GRID2IP: variants seen among roughly 807,000 people sequenced by gnomAD.
GRID2IP encodes Grid2 interacting protein.
Under a neutral mutation model 114.3 loss-of-function variants are expected in GRID2IP, and 78 were observed. That is an observed-to-expected ratio of 0.68 (90% CI 0.57 to 0.82). GRID2IP has a LOEUF of 0.82. Among genes scored for constraint, GRID2IP ranks in the 40% least tolerant of loss-of-function variants. The probability of loss-of-function intolerance (pLI) is 0.00; values close to 1 mark genes in which losing one functional copy is unlikely to be tolerated. For missense variants in GRID2IP, 1,727 were observed against 1,678.5 expected (o/e 1.03, Z -0.51); for synonymous variants, 809 against 724.0 (o/e 1.12, Z -1.89).
intron 2 of GRID2IP, chr7:6,531,190 C>T (rs943186905): frequency 4.3e-5 from 20 of 461,124 alleles, no homozygotes; most frequent in Non-Finnish European, 6.5e-5. Context: ...CGACTCCACG[C>T]ACCTCTGCCC....
In GRID2IP at chr7:6,507,309, G is replaced by A. The variant is rs575176742; in HGVS notation, c.2544+676C>T. Among the ~76,000 whole-genome samples, 53 of 152,190 alleles carry A rather than the reference G, an allele frequency of 3.5e-4. No individual in the cohort carries two copies. In the South Asian group the frequency reaches 0.01, roughly 29 times the overall value. The stretch of plus-strand genomic sequence containing the variant: ...CAAGCCCCATTGGGGGTTCCATCTG[G>A]GAATGTCTCTTTGACAGGGACATGG... On this transcript the variant is annotated intron_variant, in intron 13 of 21. Coordinates refer to ENST00000457091, the MANE Select transcript of GRID2IP (RefSeq NM_001145118.2). The surrounding 1 kb of genome is among the most constrained non-coding windows in gnomAD (Gnocchi z 5.3).
chr7:6,504,750 G>A (rs758881876), intron 15 of GRID2IP, 43 bp downstream of exon 15: 56 of 1,477,772 alleles, frequency 3.8e-5, no homozygotes, highest in East Asian at 1.7e-4. Context: ...AGAAAGGGCC[G>A]CCGCCTGCCC....
Position 6,508,276 on chromosome 7 carries a change from T to TGGGGGGGGGG in GRID2IP, c.2252_2253insCCCCCCCCCC (p.Leu754ProfsTer16). ...GCGGTGGTGGGGGGCTGAGCGGGGG[T>TGGGGGGGGGG]GGGGGGATGTGGTCAGAGATGGAGG... On this transcript the variant is annotated frameshift_variant, in exon 13 of 22. Coordinates refer to ENST00000457091, the MANE Select transcript of GRID2IP (RefSeq NM_001145118.2). LOFTEE classifies it high-confidence loss of function. The surrounding 1 kb of genome is among the most constrained non-coding windows in gnomAD (Gnocchi z 5.6). 3.0e-6 allele frequency: 2 copies of TGGGGGGGGGG among 666,014 alleles called. No individual in the cohort carries two copies. The highest frequency in any genetic ancestry group is 2.9e-5 in the African/African-American group (1 of 34,072). The allele number at this position is 666,014 out of a possible 1,614,324, so 41.3% of individuals were successfully genotyped here.
At chr7:6,547,952 T>A (rs1779911844) in intron 1 of GRID2IP, among the ~76,000 whole-genome samples, 1 of 152,138 alleles carries the variant, frequency 6.6e-6, no homozygotes, top group African/African-American at 2.4e-5. Flanking sequence ...CATGGCCAAG[T>A]GCTGCTGGGG....
rs368271146 is a variant in GRID2IP, at chr7:6,540,638, A to C, written c.430-766T>G. 1.5e-4 allele frequency among the ~76,000 whole-genome samples: 22 copies of C among 148,818 alleles called. 1 individual carries two copies. The East Asian group carries it at 2.6e-3, about 17-fold the overall frequency. On this transcript the variant is annotated intron_variant, in intron 1 of 21. Coordinates refer to ENST00000457091, the MANE Select transcript of GRID2IP (RefSeq NM_001145118.2). ...CAAGTTCAAGAGATTCTCCTGCCTCAGCCTCCCAAGTAGCTGGGATTACAG... is the reference window on the plus strand; with the variant it reads ...CAAGTTCAAGAGATTCTCCTGCCTCCGCCTCCCAAGTAGCTGGGATTACAG...
Position 6,551,124 on chromosome 7 carries a change from G to T in GRID2IP, c.313C>A (p.Pro105Thr). Residue 105 changes from proline to threonine, a missense_variant, in exon 1 of 22, where the codon CCG becomes ACG. Transcript: ENST00000457091. ...PAAPTTVLRAPRCGRGLALGR... is the reference protein window; with the variant it reads ...PAAPTTVLRATRCGRGLALGR... ...AGAGCTAGGCCGCGGCCGCACCGCG[G>T]GGCCCGCAAGACTGTGGTCGGGGCC... is the stretch of plus-strand genomic sequence containing the variant. The T allele has an allele frequency of 7.7e-7, 1 of 1,299,600 alleles. No homozygotes were observed. The highest frequency in any genetic ancestry group is 9.7e-7 in the Non-Finnish European group (1 of 1,028,036). The allele number at this position is 1,299,600 out of a possible 1,614,324, so 80.5% of individuals were successfully genotyped here. A position where few individuals can be genotyped will look rare whatever the true frequency, so the allele number is the denominator to read the frequency against.
chr7:6,539,779 C>G lies in GRID2IP; in HGVS notation c.523G>C (p.Val175Leu). Residue 175 changes from valine to leucine, a missense_variant, in exon 2 of 22, where the codon GTG becomes CTG. Physicochemically the swap from Val to Leu is conservative, Grantham distance 32. Transcript: ENST00000457091. ...FAAEQRVDDL[V>L]WTLTLALPRE... ...GGCAGCGCCAGGGTGAGAGTCCACA[C>G]CAGATCATCCACCCGCTGCTCAGCT... is the stretch of plus-strand genomic sequence containing the variant. The G allele has an allele frequency of 6.4e-7, 1 of 1,550,584 alleles. No homozygotes were observed. The highest frequency in any genetic ancestry group is 8.7e-7 in the Non-Finnish European group (1 of 1,146,964).
rs376167421 is a variant in GRID2IP, at chr7:6,520,290, C to CAA, written c.1268+286_1268+287dup. Among the ~76,000 whole-genome samples, 86 of 143,862 alleles carry CAA rather than the reference C, an allele frequency of 6.0e-4. No homozygotes were observed. Among genetic ancestry groups the CAA allele is most frequent in the African/African-American group, 1.8e-3 (72 of 39,788 alleles). The allele number at this position is 143,862 out of a possible 152,430, so 94.4% of individuals were successfully genotyped here. On this transcript the variant is annotated intron_variant, in intron 7 of 21. Transcript: ENST00000457091. The surrounding 1 kb of genome is among the most constrained non-coding windows in gnomAD (Gnocchi z 4.6). Reference sequence around the variant, plus strand: ...TGGGTGATAGAGCGAGACTCCATCTCAAAAAAAAAAAATAGAATGTTGCAG... The same window carrying CAA: ...TGGGTGATAGAGCGAGACTCCATCTCAAAAAAAAAAAAAATAGAATGTTGCAG...
chr7:6,522,834 T>TGTGTG (rs56059022), intron 4 of GRID2IP, among the ~76,000 whole-genome samples: 2 of 147,120 alleles, frequency 1.4e-5, no homozygotes, highest in African/African-American at 2.5e-5. Flanking sequence ...TGTGTGTGTG[T>TGTGTG]TAGCGTGTGT....
chr7:6,542,709 G>A (rs1006038548), intron 1 of GRID2IP, among the ~76,000 whole-genome samples: 2 of 152,160 alleles, frequency 1.3e-5, no homozygotes, highest in African/African-American at 4.8e-5. Context: ...GATGGCTAAG[G>A]AGTGCAGAAT....
chr7:6,523,490 C>A lies in GRID2IP; in HGVS notation c.920-1533G>T, dbSNP rs1342282886. Among the ~76,000 whole-genome samples, 1 of 152,194 alleles carries A rather than the reference C, an allele frequency of 6.6e-6. No homozygotes were observed. The highest frequency in any genetic ancestry group is 1.5e-5 in the Non-Finnish European group (1 of 68,038). The stretch of plus-strand genomic sequence containing the variant: ...CCATCTGTAAAAGCTTCCATCTAAG[C>A]ATCCATTTGGCTTCCTATGACAGGA... On this transcript the variant is annotated intron_variant, in intron 4 of 21. Transcript: ENST00000457091. The surrounding 1 kb of genome is among the most constrained non-coding windows in gnomAD (Gnocchi z 4.5).
Position 6,535,841 on chromosome 7 carries a change from C to G in GRID2IP, c.584+3877G>C, listed in dbSNP as rs182200556. On this transcript the variant is annotated intron_variant, in intron 2 of 21. Coordinates refer to ENST00000457091, the MANE Select transcript of GRID2IP (RefSeq NM_001145118.2). ...ATGCCATAGGCCAGGGCGGCACTGC[C>G]CTCACCCTGTATGGCTAGCACCTGG... 2.6e-3 allele frequency among the ~76,000 whole-genome samples: 390 copies of G among 152,240 alleles called. 3 individuals are homozygous for G. The highest frequency in any genetic ancestry group is 9.1e-3 in the African/African-American group (376 of 41,532).
chr7:6,513,164 A>G (rs10232978), intron 8 of GRID2IP, among the ~76,000 whole-genome samples: 1,912 of 152,048 alleles, frequency 0.013, 46 homozygotes, highest in African/African-American at 0.043. Context: ...GCCAGGTGGG[A>G]TGTGGTCGTG....
chr7:6,511,173 C>A (rs573813893), intron 8 of GRID2IP, 134 bp from the exon 9 acceptor site: 510 of 1,185,118 alleles, frequency 4.3e-4, no homozygotes, highest in Non-Finnish European at 5.3e-4. Flanking sequence ...GCCCTGCTTG[C>A]CTCCAGAACA....
rs1192803810 is a variant in GRID2IP, at chr7:6,506,734, T to C, written c.2545-827A>G. Among the ~76,000 whole-genome samples, 1 of 146,930 alleles carries C rather than the reference T, an allele frequency of 6.8e-6. No individual in the cohort carries two copies. The highest frequency in any genetic ancestry group is 2.0e-4 in the East Asian group (1 of 4,998). On this transcript the variant is annotated intron_variant, in intron 13 of 21. Coordinates refer to ENST00000457091, the MANE Select transcript of GRID2IP (RefSeq NM_001145118.2). This position sits in a 1 kb window ranked among gnomAD's most constrained non-coding sequence, Gnocchi z 5.2. ...TCTCACTCTGTACCCCAGGCTGGAGTGCAGTGGTGCCATCTTGGCTCACTG... is the reference window on the plus strand; with the variant it reads ...TCTCACTCTGTACCCCAGGCTGGAGCGCAGTGGTGCCATCTTGGCTCACTG...
In GRID2IP at chr7:6,510,294, G is replaced by T; in HGVS notation, c.1760C>A (p.Ala587Glu). ...GGCTGGAGCCCTACCTGTGGTGACTGCTGGGCTGGGGCCTGGAGGGGAAGC... is the reference window on the plus strand; with the variant it reads ...GGCTGGAGCCCTACCTGTGGTGACTTCTGGGCTGGGGCCTGGAGGGGAAGC... ...SRASPPGPSPAVTTGPRTLSG... is the reference protein window; with the variant it reads ...SRASPPGPSPEVTTGPRTLSG... Residue 587 changes from alanine to glutamate, a missense_variant, in exon 11 of 22, where the codon GCA becomes GAA. By Grantham distance (107) the Ala-to-Glu change is moderately radical (BLOSUM62 -1). Transcript: ENST00000457091. 6.5e-7 allele frequency: 1 copy of T among 1,542,848 alleles called. No homozygotes were observed. The highest frequency in any genetic ancestry group is 8.7e-7 in the Non-Finnish European group (1 of 1,143,034).
Position 6,520,809 on chromosome 7 carries a change from G to C in GRID2IP, c.1085-48C>G. On this transcript the variant is annotated intron_variant, in intron 6 of 21. Coordinates refer to ENST00000457091, the MANE Select transcript of GRID2IP (RefSeq NM_001145118.2). The surrounding 1 kb of genome is among the most constrained non-coding windows in gnomAD (Gnocchi z 4.6). ...AGGCATGAGTGACTCAGAGTCCCCAGGCCAGGTGTAGTCTCCCTGGCTTTT... is the reference window on the plus strand; with the variant it reads ...AGGCATGAGTGACTCAGAGTCCCCACGCCAGGTGTAGTCTCCCTGGCTTTT... The C allele has an allele frequency of 6.6e-7, 1 of 1,512,836 alleles. No individual in the cohort carries two copies. Among genetic ancestry groups the C allele is most frequent in the Non-Finnish European group, 8.9e-7 (1 of 1,119,484 alleles). 93.7% of individuals were successfully genotyped at this position (1,512,836 alleles called of 1,614,324 possible). A position where few individuals can be genotyped will look rare whatever the true frequency, so the allele number is the denominator to read the frequency against.
rs772955190 is a variant in GRID2IP, at chr7:6,510,754, C to A, written c.1556-48G>T. The stretch of plus-strand genomic sequence containing the variant: ...CCGTATCTGAGCTCTACGGCTCAGG[C>A]CCCGGCCCAGAACCAACATGCCCCG... On this transcript the variant is annotated intron_variant, in intron 9 of 21. Transcript: ENST00000457091. 7 of 1,513,962 alleles carry A rather than the reference C, an allele frequency of 4.6e-6. No homozygotes were observed. In the Middle Eastern group the frequency reaches 5.1e-4, roughly 110 times the overall value. The allele number at this position is 1,513,962 out of a possible 1,614,324, so 93.8% of individuals were successfully genotyped here.
At chr7:6,531,231 C>A in intron 2 of GRID2IP, 1 of 430,366 alleles carries the variant, frequency 2.3e-6, no homozygotes, top group South Asian at 5.5e-5. Context: ...CCCGAGCCGT[C>A]CCGGCCCGCA....
Sources: allele counts gnomAD v4.1 joint callset (sites outside exome capture counted in the v4.1 genomes callset), GRCh38; gene constraint gnomAD v4.1.1; non-coding constraint Gnocchi (gnomAD v3.1); transcripts MANE v1.5; gene names NCBI Gene and HGNC (gene_info 2026-07-23, HGNC 2026-07-21).